The following SPTSSA variants were observed in gnomAD, a reference collection of about 807,000 sequenced individuals.
SPTSSA encodes small subunit of serine palmitoyltransferase A.
Under a neutral mutation model 9.1 loss-of-function variants are expected in SPTSSA, and 8 were observed. That is an observed-to-expected ratio of 0.88 (90% CI 0.51 to 1.58). The LOEUF (loss-of-function observed/expected upper bound fraction) is 1.58, where lower values mean the gene tolerates loss of function less well. Among genes scored for constraint, SPTSSA ranks in the 40% most tolerant of loss-of-function variants. The pLI, the probability that SPTSSA is intolerant of heterozygous loss-of-function variation, is 0.00. For synonymous variants in SPTSSA, 42 were observed against 37.7 expected (o/e 1.11, Z -0.41); for missense variants, 100 against 93.8 (o/e 1.07, Z -0.27).
intron 1 of SPTSSA, among the ~76,000 whole-genome samples, chr14:34,442,807 A>G (rs562996679): frequency 2.6e-5 from 4 of 152,254 alleles, no homozygotes; most frequent in South Asian, 2.1e-4. Flanking sequence ...AATGTCATGG[A>G]GACTGCTTTA....
At chr14:34,440,534 C>CA (rs1883299574) in intron 1 of SPTSSA, among the ~76,000 whole-genome samples, 2 of 152,114 alleles carry the variant, frequency 1.3e-5, no homozygotes, top group Non-Finnish European at 2.9e-5. Flanking sequence ...GAGAATATAT[C>CA]ACTTAAGGAA....
chr14:34,446,085 C>CT (rs1883414460), intron 1 of SPTSSA, among the ~76,000 whole-genome samples: 5 of 152,160 alleles, frequency 3.3e-5, no homozygotes, highest in Admixed American at 3.3e-4. Flanking sequence ...TACTACACTA[C>CT]AGTGTATTTT....
chr14:34,440,026 A>T (rs1883293705), intron 1 of SPTSSA, among the ~76,000 whole-genome samples: 1 of 152,222 alleles, frequency 6.6e-6, no homozygotes, highest in Admixed American at 6.5e-5. Flanking sequence ...TTATTCCTTA[A>T]TGCTCATAAA....
chr14:34,454,029 A>T (rs1026945372), intron 1 of SPTSSA, among the ~76,000 whole-genome samples: 1 of 152,118 alleles, frequency 6.6e-6, no homozygotes, highest in African/African-American at 2.4e-5. Context: ...AAAATTTAAA[A>T]ATTAATCAGG....
At chr14:34,439,186 T>C (rs556175091) in intron 1 of SPTSSA, among the ~76,000 whole-genome samples, 1 of 152,274 alleles carries the variant, frequency 6.6e-6, no homozygotes, top group East Asian at 1.9e-4. Context: ...TGACCTTTTG[T>C]ATCTTCTTAT....
chr14:34,451,525 C>A (rs1202694540), intron 1 of SPTSSA, among the ~76,000 whole-genome samples: 2 of 151,824 alleles, frequency 1.3e-5, no homozygotes, highest in East Asian at 3.9e-4. Context: ...AGATCGAGAC[C>A]GTCCTGGCTA....
In SPTSSA at chr14:34,462,232, C is replaced by T; in HGVS notation, c.-25G>A. The T allele has an allele frequency of 2.0e-6, 3 of 1,481,580 alleles. No individual in the cohort carries two copies. Among genetic ancestry groups the T allele is most frequent in the East Asian group, 3.0e-5 (1 of 33,290 alleles). The allele number at this position is 1,481,580 out of a possible 1,614,324, so 91.8% of individuals were successfully genotyped here. A position where few individuals can be genotyped will look rare whatever the true frequency, so the allele number is the denominator to read the frequency against. On this transcript the variant is annotated 5_prime_UTR_variant, in exon 1 of 2. In the 5' UTR this introduces an upstream ATG that the reference lacks. Transcript: ENST00000298130. ...TGCGCCTCCCGCGATGCAGCTCACA[C>T]GTCAGTCTGTCCGGCCGGCCGCCCG...
chr14:34,452,987 C>G (rs1883554079), intron 1 of SPTSSA, among the ~76,000 whole-genome samples: 1 of 152,012 alleles, frequency 6.6e-6, no homozygotes, highest in Non-Finnish European at 1.5e-5. Context: ...TCTGCCACCC[C>G]TGAAACAGCA....
intron 1 of SPTSSA, among the ~76,000 whole-genome samples, chr14:34,443,198 GGTGTGTGTGTGTGT>G (rs76985104): frequency 1.7e-4 from 2 of 11,482 alleles, no homozygotes; most frequent in African/African-American, 1.1e-3. Context: ...TCCTCTAGGG[GGTGTGTGTGTGTGT>G]GTGTGTGTGT....
chr14:34,435,198 TG>T lies in SPTSSA; in HGVS notation c.*2del, dbSNP rs1199954418. 5.6e-6 allele frequency: 9 copies of T among 1,612,064 alleles called. No individual in the cohort carries two copies. The highest frequency in any genetic ancestry group is 1.7e-4 in the Middle Eastern group (1 of 6,052). ...GGAACCTCTGATCCTGGTCGCATCT[TG>T]GTCATTGTACGATTTCAAAGTAGTG... On this transcript the variant is annotated 3_prime_UTR_variant, in exon 2 of 2. Transcript: ENST00000298130.
intron 1 of SPTSSA, among the ~76,000 whole-genome samples, chr14:34,442,955 G>GGT (rs958490338): frequency 0.081 from 10,044 of 123,806 alleles, 340 homozygotes; most frequent in African/African-American, 0.12. Context: ...TGTCTAGGGG[G>GGT]GTGTGTGTGT....
At chr14:34,459,157 C>T (rs59394498) in intron 1 of SPTSSA, among the ~76,000 whole-genome samples, 26,215 of 151,872 alleles carry the variant, frequency 0.17, 2,377 homozygotes, top group East Asian at 0.28. Context: ...CTGGGCCAGG[C>T]GCGGTGGCTC....
At chr14:34,447,572 T>C (rs74849171) in intron 1 of SPTSSA, among the ~76,000 whole-genome samples, 2,864 of 152,202 alleles carry the variant, frequency 0.019, 90 homozygotes, top group African/African-American at 0.065. Flanking sequence ...CTGAGAGTGG[T>C]GCTATGGCCC....
chr14:34,442,019 G>A (rs1299812762), intron 1 of SPTSSA, among the ~76,000 whole-genome samples: 2 of 152,062 alleles, frequency 1.3e-5, no homozygotes, highest in African/African-American at 2.4e-5. Context: ...GGGATTACAG[G>A]CGCCCGCCAC....
chr14:34,433,075 A>G lies in SPTSSA; in HGVS notation c.*2126T>C, dbSNP rs1237863492. 6.6e-6 allele frequency: 1 copy of G among 152,236 alleles called. No homozygotes were observed. The highest frequency in any genetic ancestry group is 1.9e-4 in the East Asian group (1 of 5,200). The allele number at this position is 152,236 out of a possible 1,614,324, so 9.4% of individuals were successfully genotyped here. On this transcript the variant is annotated 3_prime_UTR_variant, in exon 2 of 2. Coordinates refer to ENST00000298130, the MANE Select transcript of SPTSSA (RefSeq NM_138288.4). ...TGTTATTTACTAACAAATAGACCAG[A>G]CATTTGCATCAGACAGTGAGCATAA...
chr14:34,454,257 CAA>C (rs1883575090), intron 1 of SPTSSA, among the ~76,000 whole-genome samples: 1 of 152,126 alleles, frequency 6.6e-6, no homozygotes, highest in South Asian at 2.1e-4. Flanking sequence ...GGAGGAATCA[CAA>C]AGTCTTTAAG....
In SPTSSA at chr14:34,433,760, G is replaced by C. The variant is rs1883194872; in HGVS notation, c.*1441C>G. ...AGGTGGATCAGGAGGTCAGGAGTTT[G>C]AGACCATCCTGGCCAACACAGTGAA... On this transcript the variant is annotated 3_prime_UTR_variant, in exon 2 of 2. Coordinates refer to ENST00000298130, the MANE Select transcript of SPTSSA (RefSeq NM_138288.4). 1 of 152,058 alleles carries C rather than the reference G, an allele frequency of 6.6e-6. No individual in the cohort carries two copies. The highest frequency in any genetic ancestry group is 2.4e-5 in the African/African-American group (1 of 41,416). 9.4% of individuals were successfully genotyped at this position (152,058 alleles called of 1,614,324 possible). A position where few individuals can be genotyped will look rare whatever the true frequency, so the allele number is the denominator to read the frequency against.
chr14:34,456,837 T>C (rs1031996119), intron 1 of SPTSSA, among the ~76,000 whole-genome samples: 1 of 148,992 alleles, frequency 6.7e-6, no homozygotes, highest in Non-Finnish European at 1.5e-5. Context: ...AGGCAGAGGT[T>C]GCAGCGAGCC....
At position 34,433,962 on chromosome 14, in the gene SPTSSA, C is replaced by CAA. The variant is rs879067438; in HGVS notation, c.*1237_*1238dup. ...TGGGCGACAGGGCAAGACTCCGTCT[C>CAA]AAAAAAAAAAAAACAAAAAAACAAC... On this transcript the variant is annotated 3_prime_UTR_variant, in exon 2 of 2. Coordinates refer to ENST00000298130, the MANE Select transcript of SPTSSA (RefSeq NM_138288.4). The CAA allele has an allele frequency of 2.8e-5, 3 of 108,850 alleles. No homozygotes were observed. The highest frequency in any genetic ancestry group is 3.0e-4 in the South Asian group (1 of 3,360). 6.7% of individuals were successfully genotyped at this position (108,850 alleles called of 1,614,324 possible).
Sources: gnomAD v4.1 joint callset for allele counts (sites outside exome capture counted in the v4.1 genomes callset) on GRCh38, gnomAD v4.1.1 for gene constraint, MANE v1.5 for transcripts, NCBI Gene and HGNC (gene_info 2026-07-23, HGNC 2026-07-21) for gene names.